Variants in RASEF observed in about 807,000 individuals in gnomAD.
RASEF encodes the protein RAS and EF-hand domain containing.
Under a neutral mutation model 90.1 loss-of-function variants are expected in RASEF, and 68 were observed. That is an observed-to-expected ratio of 0.75 (90% CI 0.62 to 0.92). The LOEUF is 0.92. RASEF is among the 40% of genes least tolerant of loss of function. The probability of loss-of-function intolerance (pLI) is 0.00; values close to 1 mark genes in which losing one functional copy is unlikely to be tolerated. For missense variants in RASEF, 949 were observed against 937.2 expected (o/e 1.01, Z -0.16); for synonymous variants, 331 against 345.2 (o/e 0.96, Z 0.46).
chr9:83,061,689 TG>T (rs1156844055), intron 1 of RASEF, among the ~76,000 whole-genome samples: 2 of 152,214 alleles, frequency 1.3e-5, no homozygotes, highest in Non-Finnish European at 2.9e-5. Flanking sequence ...GTCCGTGACT[TG>T]ACACGTTATT....
the RASEF span, among the ~76,000 whole-genome samples, chr9:83,200,135 CT>C: frequency 6.6e-6 from 1 of 152,176 alleles, no homozygotes; most frequent in African/African-American, 2.4e-5. Context: ...AATCCCAGCA[CT>C]TTGGGAGGCC....
In RASEF at chr9:83,025,881, C is replaced by A. The variant is rs1367385485; in HGVS notation, c.472G>T (p.Val158Leu). 1 of 1,613,694 alleles carries A rather than the reference C, an allele frequency of 6.2e-7. No individual in the cohort carries two copies. Among genetic ancestry groups the A allele is most frequent in the African/African-American group, 1.3e-5 (1 of 75,016 alleles). The change falls in exon 2 of 17, where the codon GTG (valine) becomes TTG (leucine). Residue 158 changes from valine (V) to leucine (L), a missense_variant. By Grantham distance (32) the Val-to-Leu change is conservative. Coordinates refer to ENST00000376447, the MANE Select transcript of RASEF (RefSeq NM_152573.4). ...VSTLYQNINL[V>L]EPRLIQPYEH... ...TATGGCTGAATTAATCTTGGCTCCA[C>A]AAGGTTGATGTTTTGGTACAAGGTA...
At chr9:83,145,168 G>A in the RASEF span, among the ~76,000 whole-genome samples, 5 of 152,072 alleles carry the variant, frequency 3.3e-5, no homozygotes, top group African/African-American at 1.2e-4. Context: ...AATGCAGACT[G>A]AATTCTTGTT....
chr9:83,004,693 T>C (rs1368559917), intron 8 of RASEF, 107 bp from the exon 9 acceptor site: 2 of 670,822 alleles, frequency 3.0e-6, no homozygotes, highest in Non-Finnish European at 5.2e-6. Context: ...AGCACACTAC[T>C]CAAACTTCTA....
At position 83,015,876 on chromosome 9, in the gene RASEF, G is replaced by C. The variant is rs762000477; in HGVS notation, c.694C>G (p.Leu232Val). ...KDEKRKAEEA[L>V]SDLRRQYETE... ...TCATACTGACGTCTGAGGTCACTGA[G>C]GGCTTCCTCAGCTTTGCGTTTTTCC... Residue 232 changes from leucine (L) to valine (V), a missense_variant, in exon 4 of 17, where the codon CTC becomes GTC. Physicochemically the swap from Leu to Val is conservative, Grantham distance 32 (BLOSUM62 1). Around this residue, in one of 3 missense-constraint regions of RASEF, gnomAD observed 656 missense variants for 592.2 expected, o/e 1.11. Transcript: ENST00000376447. 2 of 1,613,690 alleles carry C rather than the reference G, an allele frequency of 1.2e-6. No individual in the cohort carries two copies. The highest frequency in any genetic ancestry group is 4.5e-5 in the East Asian group (2 of 44,876).
chr9:83,148,308 C>G, the RASEF span, among the ~76,000 whole-genome samples: 1 of 152,096 alleles, frequency 6.6e-6, no homozygotes, highest in African/African-American at 2.4e-5. Context: ...TTTTGAAGTT[C>G]TAATTCCCAG....
chr9:83,145,726 G>A, the RASEF span, among the ~76,000 whole-genome samples: 5 of 151,636 alleles, frequency 3.3e-5, no homozygotes, highest in African/African-American at 1.2e-4. Flanking sequence ...AATAAAGAGG[G>A]GAAAATGGGT....
At chr9:83,201,070 C>T in the RASEF span, 1 of 152,242 alleles carries the variant, frequency 6.6e-6, no homozygotes, top group South Asian at 2.1e-4. Context: ...GGGCTTTCCT[C>T]TTCCTAGAAA....
Position 83,053,614 on chromosome 9 carries a change from T to C in RASEF, c.431+8823A>G, listed in dbSNP as rs928157949. Among the ~76,000 whole-genome samples, 12 of 129,146 alleles carry C rather than the reference T, an allele frequency of 9.3e-5. 1 individual carries two copies. The highest frequency in any genetic ancestry group is 4.2e-4 in the African/African-American group (12 of 28,714). 84.7% of individuals were successfully genotyped at this position (129,146 alleles called of 152,430 possible). ...GATGTTAGCTGGTGATTTTGCTCATTAGTTGATGCAGTTTCTTCCTAGTCT... is the reference window on the plus strand; with the variant it reads ...GATGTTAGCTGGTGATTTTGCTCATCAGTTGATGCAGTTTCTTCCTAGTCT... On this transcript the variant is annotated intron_variant, in intron 1 of 16. Transcript: ENST00000376447.
At chr9:83,150,939 C>G in the RASEF span, among the ~76,000 whole-genome samples, 1 of 152,204 alleles carries the variant, frequency 6.6e-6, no homozygotes, top group Non-Finnish European at 1.5e-5. Context: ...CAAATTCACA[C>G]ATGTCAGCCA....
In RASEF at chr9:83,000,238, C is replaced by T. The variant is rs368221419; in HGVS notation, c.1654G>A (p.Val552Met). ...CTCATGAGGAAACTAGACTTCCCCA[C>T]TGCAGCGTCCCCAGCAAGTACAATC... ...YKIVLAGDAA[V>M]GKSSFLMRLC... The change falls in exon 12 of 17, where the codon GTG (valine) becomes ATG (methionine). Residue 552 changes from valine to methionine, a missense_variant. Around this residue, in one of 3 missense-constraint regions of RASEF, gnomAD observed 288 missense variants for 328.4 expected, o/e 0.88. Coordinates refer to ENST00000376447, the MANE Select transcript of RASEF (RefSeq NM_152573.4). The T allele has an allele frequency of 5.6e-6, 9 of 1,614,006 alleles. No individual in the cohort carries two copies. Among genetic ancestry groups the T allele is most frequent in the Non-Finnish European group, 5.9e-6 (7 of 1,179,996 alleles).
chr9:83,198,960 A>G, the RASEF span, among the ~76,000 whole-genome samples: 1 of 152,350 alleles, frequency 6.6e-6, no homozygotes, highest in Non-Finnish European at 1.5e-5. Context: ...GCCACTCTGC[A>G]TACAGGCTCA....
the RASEF span, among the ~76,000 whole-genome samples, chr9:83,139,582 C>T: frequency 6.6e-6 from 1 of 152,102 alleles, no homozygotes; most frequent in African/African-American, 2.4e-5. Context: ...AAGGTCTTCA[C>T]ACTTGTCATC....
Position 83,000,529 on chromosome 9 carries a change from A to G in RASEF, c.1479T>C (p.Asp493=). The change falls in exon 11 of 17, where the codon GAT becomes GAC. Residue 493 remains aspartate (D), a synonymous_variant. Transcript: ENST00000376447. The part of the protein sequence containing the change: ...IRDEETFGLE[D]VASVLDWKPQ... Reference sequence around the variant, plus strand: ...GCTTCCAGTCTAAGACGGAAGCCACATCTTCTAAACCAAATGTCTCTTCAT... The same window carrying G: ...GCTTCCAGTCTAAGACGGAAGCCACGTCTTCTAAACCAAATGTCTCTTCAT... 2 of 1,613,844 alleles carry G rather than the reference A, an allele frequency of 1.2e-6. No homozygotes were observed. Among genetic ancestry groups the G allele is most frequent in the Non-Finnish European group, 1.7e-6 (2 of 1,179,852 alleles).
the RASEF span, among the ~76,000 whole-genome samples, chr9:83,085,184 T>C: frequency 6.6e-6 from 1 of 152,206 alleles, no homozygotes; most frequent in African/African-American, 2.4e-5. Flanking sequence ...AAACTAAAAA[T>C]AGTAATAGTA....
At chr9:83,157,212 G>C in the RASEF span, among the ~76,000 whole-genome samples, 1 of 152,222 alleles carries the variant, frequency 6.6e-6, no homozygotes, top group Non-Finnish European at 1.5e-5. Flanking sequence ...GTTAGTGTGC[G>C]TGAAAGTATG....
chr9:83,037,946 A>G (rs139522930), intron 1 of RASEF, among the ~76,000 whole-genome samples: 20 of 152,242 alleles, frequency 1.3e-4, no homozygotes, highest in African/African-American at 4.8e-4. Context: ...AACAAATTCA[A>G]TGATAAGAGT....
chr9:83,007,076 AG>A (rs1829147191), intron 7 of RASEF, among the ~76,000 whole-genome samples: 1 of 128,778 alleles, frequency 7.8e-6, no homozygotes, highest in Non-Finnish European at 1.6e-5. Flanking sequence ...CCTGGGTGAC[AG>A]GGCAAGACTC....
At chr9:83,162,924 C>T in the RASEF span, among the ~76,000 whole-genome samples, 1 of 152,176 alleles carries the variant, frequency 6.6e-6, no homozygotes, top group Non-Finnish European at 1.5e-5. Context: ...ACAAGGTTCT[C>T]ACAGTAAATA....
Sources: allele counts gnomAD v4.1 joint callset (sites outside exome capture counted in the v4.1 genomes callset), GRCh38; gene constraint gnomAD v4.1.1; regional missense constraint gnomAD v4.1.1; transcripts MANE v1.5; gene names NCBI Gene and HGNC (gene_info 2026-07-23, HGNC 2026-07-21).